The following RALYL variants were observed in gnomAD, a reference collection of about 807,000 sequenced individuals.
RALYL encodes RALY RNA binding protein like, also known as RNA-binding Raly-like protein.
Under a neutral mutation model 35.1 loss-of-function variants are expected in RALYL, and 29 were observed. The ratio of observed to expected loss-of-function variants is 0.83; its 90% CI spans 0.61 to 1.13. The LOEUF (loss-of-function observed/expected upper bound fraction) is 1.13. Among genes scored for constraint, RALYL ranks in the 50% most tolerant of loss-of-function variants. The pLI is 0.00. For missense variants in RALYL, 359 were observed against 360.4 expected (o/e 1.00, Z 0.03); for synonymous variants, 120 against 127.6 (o/e 0.94, Z 0.40).
At chr8:84,762,192 G>A (rs944993151) in intron 2 of RALYL, among the ~76,000 whole-genome samples, 2 of 152,076 alleles carry the variant, frequency 1.3e-5, no homozygotes, top group African/African-American at 2.4e-5. Context: ...TACAGATGGC[G>A]CACTTCAAAA....
intron 1 of RALYL, among the ~76,000 whole-genome samples, chr8:84,434,625 A>G (rs2047503570): frequency 6.6e-6 from 1 of 152,180 alleles, no homozygotes; most frequent in Non-Finnish European, 1.5e-5. Context: ...CTTAAAGAAT[A>G]TTAATCAAAG....
At chr8:84,694,276 G>T in intron 2 of RALYL, among the ~76,000 whole-genome samples, 1 of 151,856 alleles carries the variant, frequency 6.6e-6, no homozygotes, top group Non-Finnish European at 1.5e-5. Context: ...CATTAAAGTT[G>T]CAGGATACAA....
At chr8:84,906,107 A>G (rs1846447442) in intron 8 of RALYL, among the ~76,000 whole-genome samples, 2 of 152,282 alleles carry the variant, frequency 1.3e-5, no homozygotes, top group South Asian at 4.1e-4. Context: ...GGAAAAGGTA[A>G]TTAACTGTAA....
intron 6 of RALYL, among the ~76,000 whole-genome samples, chr8:84,865,642 C>A (rs1278595842): frequency 6.6e-6 from 1 of 152,058 alleles, no homozygotes; most frequent in Non-Finnish European, 1.5e-5. Context: ...TGCAGATTAG[C>A]ATTTTACAAA....
At position 84,669,495 on chromosome 8, in the gene RALYL, C is replaced by CCT. The variant is rs1554771645; in HGVS notation, c.257-105083_257-105082insTC. Among the ~76,000 whole-genome samples, 104 of 77,266 alleles carry CCT rather than the reference C, an allele frequency of 1.3e-3. 3 individuals carry two copies. The highest frequency in any genetic ancestry group is 5.0e-3 in the African/African-American group (98 of 19,650). 50.7% of individuals were successfully genotyped at this position (77,266 alleles called of 152,430 possible). On this transcript the variant is annotated intron_variant, in intron 2 of 8. Transcript: ENST00000521268. ...ATCTTCTCCCTCCCCCCTCCCCCCC[C>CCT]CCCCACTCTATTAGTTCACAGTGTC...
At chr8:84,246,256 C>T (rs78593818) in intron 1 of RALYL, among the ~76,000 whole-genome samples, 2 of 152,058 alleles carry the variant, frequency 1.3e-5, no homozygotes, top group Non-Finnish European at 1.5e-5. Context: ...CCCACTTTCA[C>T]GATATAAATA....
At chr8:84,321,007 T>A (rs535549997) in intron 1 of RALYL, among the ~76,000 whole-genome samples, 2 of 152,248 alleles carry the variant, frequency 1.3e-5, no homozygotes, top group African/African-American at 4.8e-5. Context: ...GCAAAATATC[T>A]AAATTTTCTA....
At chr8:84,343,966 T>C (rs1849345540) in intron 1 of RALYL, among the ~76,000 whole-genome samples, 1 of 151,920 alleles carries the variant, frequency 6.6e-6, no homozygotes, top group Non-Finnish European at 1.5e-5. Context: ...TGACCTGCGG[T>C]GATATATGGC....
At chr8:84,365,714 T>C (rs1231393279) in intron 1 of RALYL, among the ~76,000 whole-genome samples, 1 of 152,220 alleles carries the variant, frequency 6.6e-6, no homozygotes, top group Non-Finnish European at 1.5e-5. Context: ...ATCAAGGTTC[T>C]TGGATACAGA....
intron 1 of RALYL, among the ~76,000 whole-genome samples, chr8:84,285,933 T>C (rs1837511623): frequency 6.6e-6 from 1 of 152,132 alleles, no homozygotes; most frequent in Non-Finnish European, 1.5e-5. Context: ...CTGGGTGTTT[T>C]GTTGATGGAC....
intron 1 of RALYL, among the ~76,000 whole-genome samples, chr8:84,417,707 G>A (rs73306312): frequency 0.029 from 4,463 of 152,020 alleles, 220 homozygotes; most frequent in African/African-American, 0.1. Flanking sequence ...AAATATCCTA[G>A]TGTTATATCA....
intron 1 of RALYL, among the ~76,000 whole-genome samples, chr8:84,489,073 A>G (rs2054961797): frequency 6.6e-6 from 1 of 152,016 alleles, no homozygotes; most frequent in African/African-American, 2.4e-5. Context: ...GTGCCTCGCT[A>G]TTATTTGTGT....
chr8:84,527,533 CACAA>C (rs1564089386), intron 1 of RALYL, among the ~76,000 whole-genome samples: 1 of 152,146 alleles, frequency 6.6e-6, no homozygotes, highest in Non-Finnish European at 1.5e-5. Flanking sequence ...CACATGAGAT[CACAA>C]ACAAAGTAGT....
chr8:84,275,332 A>C (rs1339690352), intron 1 of RALYL, among the ~76,000 whole-genome samples: 3 of 152,124 alleles, frequency 2.0e-5, no homozygotes, highest in Non-Finnish European at 4.4e-5. Context: ...AGTAGGAATT[A>C]TACATGAATT....
chr8:84,722,062 A>G (rs946836078), intron 2 of RALYL, among the ~76,000 whole-genome samples: 1 of 152,132 alleles, frequency 6.6e-6, no homozygotes, highest in Admixed American at 6.6e-5. Context: ...GCCACACATT[A>G]AATTAACTTG....
intron 2 of RALYL, among the ~76,000 whole-genome samples, chr8:84,532,651 T>G (rs995757117): frequency 6.6e-6 from 1 of 152,132 alleles, no homozygotes; most frequent in Non-Finnish European, 1.5e-5. Context: ...ACTGCATTAG[T>G]ACTTTACCTT....
chr8:84,401,824 C>A (rs1421339851), intron 1 of RALYL, among the ~76,000 whole-genome samples: 2 of 144,280 alleles, frequency 1.4e-5, no homozygotes, highest in African/African-American at 5.1e-5. Flanking sequence ...TGCAGTAAAA[C>A]TTTTTTTTTT....
chr8:84,414,977 G>A (rs1471718464), intron 1 of RALYL, among the ~76,000 whole-genome samples: 2 of 152,038 alleles, frequency 1.3e-5, no homozygotes, highest in African/African-American at 2.4e-5. Context: ...CAAGTTCGGG[G>A]TGGGTCCTGA....
chr8:84,593,335 C>T (rs1813732697), intron 2 of RALYL, among the ~76,000 whole-genome samples: 1 of 152,034 alleles, frequency 6.6e-6, no homozygotes, highest in South Asian at 2.1e-4. Context: ...TTCTTAGCTT[C>T]TGTTCTGTCA....
Sources: allele counts gnomAD v4.1 joint callset (sites outside exome capture counted in the v4.1 genomes callset), GRCh38; gene constraint gnomAD v4.1.1; transcripts MANE v1.5; gene names NCBI Gene and HGNC (gene_info 2026-07-23, HGNC 2026-07-21).